Variants in MGAT4C observed in about 807,000 individuals in gnomAD.
MGAT4C encodes alpha-1,3-mannosyl-glycoprotein 4-beta-N-acetylglucosaminyltransferase C.
In MGAT4C, 19 loss-of-function variants were observed where a neutral mutation model predicts 40.1. That is an observed-to-expected ratio of 0.47 (90% CI 0.33 to 0.70). The LOEUF is 0.70. MGAT4C is among the 30% of genes least tolerant of loss of function. The pLI is 0.02. For missense variants in MGAT4C, 491 were observed against 563.2 expected (o/e 0.87, Z 1.30); for synonymous variants, 181 against 187.1 (o/e 0.97, Z 0.27).
chr12:86,097,497 TTAATA>T (rs1405328501), intron 1 of MGAT4C, among the ~76,000 whole-genome samples: 3 of 151,592 alleles, frequency 2.0e-5, no homozygotes, highest in Non-Finnish European at 4.4e-5. Flanking sequence ...TTTAGTTTGC[TTAATA>T]TAAATAGTTA....
chr12:86,271,287 A>G lies in MGAT4C; in HGVS notation c.-57+62778T>C, dbSNP rs79211625. Among the ~76,000 whole-genome samples the G allele has an allele frequency of 3.9e-3, 596 of 152,308 alleles. 6 individuals carry two copies. Among genetic ancestry groups the G allele is most frequent in the African/African-American group, 0.014 (581 of 41,566 alleles). On this transcript the variant is annotated intron_variant, in intron 4 of 7. Coordinates refer to the MGAT4C transcript ENST00000548651. ...CCAACAGGGGCCTAATGTCAAGAAT[A>G]TAAAAGGAACTCAAACAACTGAACA...
chr12:86,513,363 A>T (rs913640139), intron 2 of MGAT4C, among the ~76,000 whole-genome samples: 1 of 152,128 alleles, frequency 6.6e-6, no homozygotes, highest in Admixed American at 6.5e-5. Context: ...CGACAAGCAG[A>T]TGATGTACCT....
rs201770308 is a variant in MGAT4C, at chr12:86,147,246, AT to A, written c.-56-97524del. Among the ~76,000 whole-genome samples the A allele has an allele frequency of 6.6e-3, 981 of 148,080 alleles. 30 individuals are homozygous for A. In the South Asian group the frequency reaches 0.12, roughly 18 times the overall value. On this transcript the variant is annotated intron_variant, in intron 1 of 4. Coordinates refer to ENST00000611864, the MANE Select transcript of MGAT4C (RefSeq NM_001351288.2). ...AAATAAGATAGCAGAAATTTATTAA[AT>A]TTTTTTTTTTTTGAGACGTAGTCTC...
At chr12:86,113,007 C>T (rs1877725937) in intron 1 of MGAT4C, among the ~76,000 whole-genome samples, 1 of 151,244 alleles carries the variant, frequency 6.6e-6, no homozygotes, top group African/African-American at 2.4e-5. Flanking sequence ...AAGCTGGAAA[C>T]AAAAAATAAA....
chr12:86,575,659 C>T (rs570919100), intron 2 of MGAT4C, among the ~76,000 whole-genome samples: 11 of 151,944 alleles, frequency 7.2e-5, no homozygotes, highest in African/African-American at 2.2e-4. Flanking sequence ...AACAGTGCTA[C>T]AACAAACACA....
At chr12:86,303,572 A>ACAG in intron 4 of MGAT4C, among the ~76,000 whole-genome samples, 1 of 148,790 alleles carries the variant, frequency 6.7e-6, no homozygotes, top group South Asian at 2.1e-4. Context: ...AAAAAAAAGA[A>ACAG]TAAAACTACT....
chr12:86,769,438 A>C (rs1304656641), intron 1 of MGAT4C, among the ~76,000 whole-genome samples: 2 of 152,178 alleles, frequency 1.3e-5, no homozygotes, highest in East Asian at 1.9e-4. Flanking sequence ...TAGTTCAACC[A>C]TTGTGGAAGT....
chr12:86,373,002 A>T (rs1955749245), intron 3 of MGAT4C, among the ~76,000 whole-genome samples: 1 of 151,026 alleles, frequency 6.6e-6, no homozygotes, highest in African/African-American at 2.4e-5. Context: ...ATGAATAATC[A>T]TTTATAAAAT....
At chr12:86,702,785 C>T (rs1297192712) in intron 2 of MGAT4C, among the ~76,000 whole-genome samples, 2 of 152,172 alleles carry the variant, frequency 1.3e-5, no homozygotes, top group Non-Finnish European at 2.9e-5. Flanking sequence ...CCTGCTGACA[C>T]ATTCGCTCTG....
At chr12:86,783,238 A>G (rs898818613) in intron 1 of MGAT4C, among the ~76,000 whole-genome samples, 3 of 152,226 alleles carry the variant, frequency 2.0e-5, no homozygotes, top group African/African-American at 4.8e-5. Flanking sequence ...CCGAAAGGCC[A>G]TAAGAATTAA....
intron 3 of MGAT4C, among the ~76,000 whole-genome samples, chr12:86,348,789 A>T (rs566896745): frequency 6.6e-6 from 1 of 152,188 alleles, no homozygotes; most frequent in East Asian, 1.9e-4. Context: ...TATTACAATG[A>T]TGTGTATTTA....
chr12:86,718,229 T>C (rs1233392278), intron 2 of MGAT4C, among the ~76,000 whole-genome samples: 6 of 152,224 alleles, frequency 3.9e-5, no homozygotes, highest in Admixed American at 1.3e-4. Context: ...CCATTGTTTA[T>C]GTTTTTTTCT....
chr12:86,021,003 G>A (rs1486864448), intron 2 of MGAT4C, among the ~76,000 whole-genome samples: 1 of 152,140 alleles, frequency 6.6e-6, no homozygotes, highest in African/African-American at 2.4e-5. Flanking sequence ...ATCATCACTG[G>A]CCATGAGAGA....
chr12:85,986,945 A>C (rs1885274639), intron 3 of MGAT4C, among the ~76,000 whole-genome samples: 1 of 152,008 alleles, frequency 6.6e-6, no homozygotes, highest in African/African-American at 2.4e-5. Flanking sequence ...TATAGCCTTG[A>C]AGCAAAATTC....
At position 85,969,481 on chromosome 12, in the gene MGAT4C, A is replaced by G. The variant is rs928648165; in HGVS notation, c.*9808T>C. The G allele has an allele frequency of 2.6e-5, 4 of 151,722 alleles. No individual in the cohort carries two copies. The highest frequency in any genetic ancestry group is 2.6e-4 in the Admixed American group (4 of 15,190). 9.4% of individuals were successfully genotyped at this position (151,722 alleles called of 1,614,324 possible). A position where few individuals can be genotyped will look rare whatever the true frequency, so the allele number is the denominator to read the frequency against. On this transcript the variant is annotated 3_prime_UTR_variant, in exon 5 of 5. Transcript: ENST00000611864. ...TCTTTTAGTGTACCCAGAGCCCATGAGTTTTTATTTTCTTTTTGGAATAAC... is the reference window on the plus strand; with the variant it reads ...TCTTTTAGTGTACCCAGAGCCCATGGGTTTTTATTTTCTTTTTGGAATAAC...
At chr12:86,005,505 A>G (rs1334420866) in intron 2 of MGAT4C, among the ~76,000 whole-genome samples, 5 of 152,196 alleles carry the variant, frequency 3.3e-5, no homozygotes. Context: ...TTACAAAGCT[A>G]TCTTGAAAAA....
chr12:86,191,494 G>A (rs55998036), intron 1 of MGAT4C, among the ~76,000 whole-genome samples: 12,626 of 151,656 alleles, frequency 0.083, 620 homozygotes, highest in Middle Eastern at 0.22. Context: ...CAAGTAAAAT[G>A]AGATTAGCTG....
chr12:85,977,620 A>G lies in MGAT4C; in HGVS notation c.*1669T>C, dbSNP rs1406720927. On this transcript the variant is annotated 3_prime_UTR_variant, in exon 5 of 5. Coordinates refer to ENST00000611864, the MANE Select transcript of MGAT4C (RefSeq NM_001351288.2). ...ATGAAATAAAAAGTTTCCATTTTTT[A>G]TCTGAGTTTCTCATTTATTTGCAGA... 1.3e-5 allele frequency: 2 copies of G among 151,502 alleles called. No individual in the cohort carries two copies. Among genetic ancestry groups the G allele is most frequent in the African/African-American group, 4.8e-5 (2 of 41,378 alleles). The allele number at this position is 151,502 out of a possible 1,614,324, so 9.4% of individuals were successfully genotyped here. A position where few individuals can be genotyped will look rare whatever the true frequency, so the allele number is the denominator to read the frequency against.
At chr12:86,561,083 A>C (rs1004451481) in intron 2 of MGAT4C, among the ~76,000 whole-genome samples, 2 of 152,188 alleles carry the variant, frequency 1.3e-5, no homozygotes, top group African/African-American at 4.8e-5. Flanking sequence ...AATTTAACCA[A>C]GGAGGTGAAA....
Sources: allele counts gnomAD v4.1 joint callset (sites outside exome capture counted in the v4.1 genomes callset), GRCh38; gene constraint gnomAD v4.1.1; transcripts MANE v1.5; gene names NCBI Gene and HGNC (gene_info 2026-07-23, HGNC 2026-07-21).